SIAH1: variants seen among roughly 807,000 people sequenced by gnomAD.
SIAH1 encodes E3 ubiquitin-protein ligase SIAH1.
A neutral mutation model predicts 20.0 loss-of-function variants in SIAH1; 2 were observed. That is an observed-to-expected ratio of 0.10 (90% confidence interval 0.04 to 0.31). SIAH1 has a LOEUF of 0.31. Among genes scored for constraint, SIAH1 ranks in the 10% least tolerant of loss-of-function variants. The probability of loss-of-function intolerance (pLI) is 1.00; values close to 1 mark genes in which losing one functional copy is unlikely to be tolerated. For synonymous variants in SIAH1, 118 were observed against 125.3 expected, an observed-to-expected ratio of 0.94 and a Z score of 0.39; for missense variants, 119 against 355.3, an observed-to-expected ratio of 0.33 and a Z score of 5.35.
intron 1 of SIAH1, chr16:48,366,004 C>T (rs1960824525): frequency 9.5e-6 from 8 of 840,978 alleles, no homozygotes; most frequent in Middle Eastern, 4.7e-4. Context: ...GCGCACAGGG[C>T]GATGCCCGTC....
intron 1 of SIAH1, among the ~76,000 whole-genome samples, chr16:48,376,467 T>TTTTATTTTATACTATAAAAAAAAATCTTA (rs1961112046): frequency 6.6e-6 from 1 of 152,150 alleles, no homozygotes; most frequent in Non-Finnish European, 1.5e-5. Flanking sequence ...TTTGTAGACA[T>TTTTATTTTATACTATAAAAAAAAATCTTA]TTTATTTTAT....
rs1403635454 is a variant in SIAH1, at chr16:48,362,580, A to T, written c.-2-150T>A. 2.3e-5 allele frequency: 17 copies of T among 751,878 alleles called. No individual in the cohort carries two copies. The highest frequency in any genetic ancestry group is 3.0e-5 in the Non-Finnish European group (14 of 465,080). The allele number at this position is 751,878 out of a possible 1,614,324, so 46.6% of individuals were successfully genotyped here. ...GAAAAATAGGATTAAAAAAGATATT[A>T]AAAAAATAAAATTACACTGAATGTG... On this transcript the variant is annotated intron_variant, in intron 1 of 1. Transcript: ENST00000394725. This position sits in a 1 kb window ranked among gnomAD's most constrained non-coding sequence, Gnocchi z 4.2.
At chr16:48,377,058 C>G (rs188275852) in intron 1 of SIAH1, among the ~76,000 whole-genome samples, 24 of 152,158 alleles carry the variant, frequency 1.6e-4, no homozygotes, top group African/African-American at 5.6e-4. Context: ...CGATGTGACA[C>G]TAATAAATAA....
chr16:48,378,517 C>G (rs1285826565), intron 1 of SIAH1, among the ~76,000 whole-genome samples: 1 of 152,162 alleles, frequency 6.6e-6, no homozygotes, highest in Admixed American at 6.5e-5. Context: ...GAGGTGGTTA[C>G]AATAGCGTTC....
chr16:48,384,736 G>A (rs1326389727), intron 1 of SIAH1, among the ~76,000 whole-genome samples: 1 of 151,372 alleles, frequency 6.6e-6, no homozygotes, highest in Non-Finnish European at 1.5e-5. Flanking sequence ...AGGAGGGGGA[G>A]GGAGGGCAGG....
chr16:48,377,334 C>T (rs1374693182), intron 1 of SIAH1, among the ~76,000 whole-genome samples: 2 of 151,794 alleles, frequency 1.3e-5, no homozygotes, highest in African/African-American at 2.4e-5. Context: ...AAGGTTTCTG[C>T]CAGCTTTATT....
chr16:48,380,950 G>A (rs1354459036), intron 1 of SIAH1, among the ~76,000 whole-genome samples: 2 of 40,642 alleles, frequency 4.9e-5, no homozygotes, highest in East Asian at 8.9e-4. Flanking sequence ...AAAAAAGAAC[G>A]GCTAAAATCC....
At chr16:48,385,914 C>T (rs1389549213), upstream of SIAH1, among the ~76,000 whole-genome samples, 1 of 152,188 alleles carries the variant, frequency 6.6e-6, no homozygotes, top group African/African-American at 2.4e-5. Flanking sequence ...CTGCCCTGCC[C>T]GCCGACCGGG....
chr16:48,375,267 T>C (rs1643985865), intron 1 of SIAH1, among the ~76,000 whole-genome samples: 1 of 152,260 alleles, frequency 6.6e-6, no homozygotes, highest in Admixed American at 6.5e-5. Flanking sequence ...AACAGAATAC[T>C]GTGTGCTGCC....
At chr16:48,384,614 G>A (rs558225102) in intron 1 of SIAH1, among the ~76,000 whole-genome samples, 6 of 151,990 alleles carry the variant, frequency 3.9e-5, no homozygotes, top group Non-Finnish European at 8.8e-5. Context: ...CGAAGCGGCA[G>A]GAAGAGCGCA....
chr16:48,385,636 C>G (rs1185472991), upstream of SIAH1, among the ~76,000 whole-genome samples: 1 of 152,040 alleles, frequency 6.6e-6, no homozygotes, highest in Non-Finnish European at 1.5e-5. Context: ...CGCCCGTGCA[C>G]CGCGCATTCA....
Position 48,360,964 on chromosome 16 carries a change from G to C in SIAH1, c.*616C>G, listed in dbSNP as rs2151043001. The C allele has an allele frequency of 6.6e-6, 1 of 151,922 alleles. No homozygotes were observed. Among genetic ancestry groups the C allele is most frequent in the Admixed American group, 6.6e-5 (1 of 15,256 alleles). 9.4% of individuals were successfully genotyped at this position (151,922 alleles called of 1,614,324 possible). ...GATTAATGGGGGAAAAGAAAATATTGAACACGTTATAAATTTTTTACCATA... is the reference window on the plus strand; with the variant it reads ...GATTAATGGGGGAAAAGAAAATATTCAACACGTTATAAATTTTTTACCATA... On this transcript the variant is annotated 3_prime_UTR_variant, in exon 2 of 2. Coordinates refer to ENST00000394725, the MANE Select transcript of SIAH1 (RefSeq NM_003031.4).
chr16:48,376,700 G>GC (rs1399590658), intron 1 of SIAH1, among the ~76,000 whole-genome samples: 4 of 152,036 alleles, frequency 2.6e-5, no homozygotes, highest in African/African-American at 9.7e-5. Flanking sequence ...ATTTATGATA[G>GC]CCCCCCTCCC....
chr16:48,386,921 G>C (rs1484809413), upstream of SIAH1: 1 of 152,256 alleles, frequency 6.6e-6, no homozygotes, highest in Non-Finnish European at 1.5e-5. Flanking sequence ...GGCGATTAAA[G>C]TTCTAAACAC....
intron 1 of SIAH1, among the ~76,000 whole-genome samples, chr16:48,366,389 A>G (rs1331622768): frequency 4.6e-5 from 7 of 152,080 alleles, no homozygotes; most frequent in African/African-American, 1.7e-4. Flanking sequence ...ATTCTAGCTC[A>G]CTTCATTTCT....
chr16:48,362,555 GA>G lies in SIAH1; in HGVS notation c.-2-126del. 1 of 890,530 alleles carries G rather than the reference GA, an allele frequency of 1.1e-6. No homozygotes were observed. The highest frequency in any genetic ancestry group is 1.7e-6 in the Non-Finnish European group (1 of 585,790). 55.2% of individuals were successfully genotyped at this position (890,530 alleles called of 1,614,324 possible). A position where few individuals can be genotyped will look rare whatever the true frequency, so the allele number is the denominator to read the frequency against. ...CAAAATTTACTGAGCAAAAGAGGAA[GA>G]AAAATAGGATTAAAAAAGATATTAA... On this transcript the variant is annotated intron_variant, in intron 1 of 1. Transcript: ENST00000394725. This position sits in a 1 kb window ranked among gnomAD's most constrained non-coding sequence, Gnocchi z 4.2.
At chr16:48,377,187 T>C (rs1961131300) in intron 1 of SIAH1, among the ~76,000 whole-genome samples, 1 of 152,164 alleles carries the variant, frequency 6.6e-6, no homozygotes, top group Non-Finnish European at 1.5e-5. Flanking sequence ...TCCAAAGGTT[T>C]TTCTCTTTCT....
At chr16:48,379,894 G>A (rs1255038422) in intron 1 of SIAH1, among the ~76,000 whole-genome samples, 4 of 152,110 alleles carry the variant, frequency 2.6e-5, no homozygotes, top group African/African-American at 4.8e-5. Flanking sequence ...GCTCAGGAGA[G>A]GCTATGTACT....
chr16:48,370,899 A>C (rs1960968006), intron 1 of SIAH1, among the ~76,000 whole-genome samples: 2 of 152,064 alleles, frequency 1.3e-5, no homozygotes, highest in South Asian at 4.1e-4. Context: ...GGATCGCTTG[A>C]GGTCAGGAGT....
Sources: gnomAD v4.1 joint callset for allele counts (sites outside exome capture counted in the v4.1 genomes callset) on GRCh38, gnomAD v4.1.1 for gene constraint, Gnocchi (gnomAD v3.1) non-coding constraint, MANE v1.5 for transcripts, NCBI Gene and HGNC (gene_info 2026-07-23, HGNC 2026-07-21) for gene names.